The following ABCB11 variants were observed in gnomAD, a reference collection of about 807,000 sequenced individuals.
The protein encoded by ABCB11 is bile salt export pump.
In ABCB11, 95 loss-of-function variants were observed where a neutral mutation model predicts 148.0. The ratio of observed to expected loss-of-function variants is 0.64; its 90% CI spans 0.54 to 0.76. The LOEUF is 0.76. ABCB11 is among the 30% of genes least tolerant of loss of function. The pLI is 0.00. For missense variants in ABCB11, 1,523 were observed against 1,617.8 expected, an observed-to-expected ratio of 0.94 and a Z score of 1.01; for synonymous variants, 591 against 555.4, an observed-to-expected ratio of 1.06 and a Z score of -0.90.
chr2:168,973,075 T>G (rs571660059), intron 13 of ABCB11, among the ~76,000 whole-genome samples: 12 of 152,192 alleles, frequency 7.9e-5, no homozygotes, highest in Admixed American at 6.6e-4. Context: ...TTTCAAGCCC[T>G]GTTATTATTC....
intron 8 of ABCB11, among the ~76,000 whole-genome samples, chr2:168,991,957 C>G (rs960957975): frequency 6.6e-6 from 1 of 151,064 alleles, no homozygotes; most frequent in Non-Finnish European, 1.5e-5. Flanking sequence ...CTGGCCTCAG[C>G]CTCCTGGGTA....
chr2:168,945,486 G>A (rs1692265128), intron 19 of ABCB11, among the ~76,000 whole-genome samples: 1 of 151,598 alleles, frequency 6.6e-6, no homozygotes, highest in African/African-American at 2.4e-5. Flanking sequence ...CATCAACACA[G>A]ATGAAAAGGA....
intron 5 of ABCB11, among the ~76,000 whole-genome samples, chr2:169,007,879 T>C (rs1695070728): frequency 6.6e-6 from 1 of 152,188 alleles, no homozygotes; most frequent in East Asian, 1.9e-4. Flanking sequence ...GCAAATTGTA[T>C]CTCTGATAAG....
At chr2:168,947,287 A>G (rs1190307520) in intron 19 of ABCB11, among the ~76,000 whole-genome samples, 3 of 151,738 alleles carry the variant, frequency 2.0e-5, no homozygotes, top group Admixed American at 2.0e-4. Context: ...TCACCTAAAT[A>G]TATACAGATA....
Position 168,969,360 on chromosome 2 carries a change from C to T in ABCB11, c.2001G>A (p.Glu667=). The T allele has an allele frequency of 1.2e-6, 2 of 1,611,616 alleles. No individual in the cohort carries two copies. Among genetic ancestry groups the T allele is most frequent in the Non-Finnish European group, 1.7e-6 (2 of 1,178,754 alleles). The change falls in exon 16 of 28, where the codon GAG becomes GAA. Residue 667 remains glutamate (E), a synonymous_variant. Transcript: ENST00000650372. ...GGAAAAAGCACTTGCCCTTTATGTC[C>T]TCTTCATTAAGAGCTTGATTTCCCT... ...QSQGNQALNE[E]DIKDATEDDM... is the part of the protein sequence containing the mutation.
chr2:168,977,214 T>G (rs902463823), intron 11 of ABCB11, among the ~76,000 whole-genome samples: 1 of 151,190 alleles, frequency 6.6e-6, no homozygotes, highest in African/African-American at 2.4e-5. Flanking sequence ...GTACTAGGTG[T>G]TTTTATACTT....
intron 15 of ABCB11, 90 bp downstream of exon 15, chr2:168,969,955 A>AACCCCCC: frequency 1.8e-6 from 1 of 545,918 alleles, no homozygotes; most frequent in Non-Finnish European, 3.6e-6. Context: ...AACTACTCCC[A>AACCCCCC]TCCCTCCCAC....
intron 6 of ABCB11, among the ~76,000 whole-genome samples, chr2:168,996,199 C>T (rs937665686): frequency 1.3e-5 from 2 of 151,918 alleles, no homozygotes; most frequent in African/African-American, 4.8e-5. Flanking sequence ...CTAAAATATG[C>T]TCTAGATTCA....
Position 168,924,734 on chromosome 2 carries a change from C to A in ABCB11, c.3688G>T (p.Ala1230Ser), listed in dbSNP as rs755010435. 1 of 1,613,694 alleles carries A rather than the reference C, an allele frequency of 6.2e-7. No individual in the cohort carries two copies. The highest frequency in any genetic ancestry group is 2.2e-5 in the East Asian group (1 of 44,868). Residue 1230 changes from alanine (A) to serine (S), a missense_variant, in exon 27 of 28, where the codon GCT (alanine) becomes TCT (serine). Transcript: ENST00000650372. ...SRGEKQRIAI[A>S]RAIVRDPKIL... Reference sequence around the variant, plus strand: ...TTAGGATCTCGTACAATGGCCCGAGCAATAGCAATGCGTTGTTTCTCCCCT... The same window carrying A: ...TTAGGATCTCGTACAATGGCCCGAGAAATAGCAATGCGTTGTTTCTCCCCT...
chr2:168,921,213 T>A lies in ABCB11; in HGVS notation c.*2409A>T, dbSNP rs963809931. ...TCCTGACTTGGCAACCATCAAGAATTCTGGCCTGACCAGTTAACTTGCTAA... is the reference window on the plus strand; with the variant it reads ...TCCTGACTTGGCAACCATCAAGAATACTGGCCTGACCAGTTAACTTGCTAA... On this transcript the variant is annotated 3_prime_UTR_variant, in exon 28 of 28. Coordinates refer to ENST00000650372, the MANE Select transcript of ABCB11 (RefSeq NM_003742.4). 2.0e-5 allele frequency among the ~76,000 whole-genome samples: 3 copies of A among 152,252 alleles called. No homozygotes were observed. Among genetic ancestry groups the A allele is most frequent in the African/African-American group, 7.2e-5 (3 of 41,470 alleles).
At chr2:168,986,947 A>T (rs1347468873) in intron 9 of ABCB11, among the ~76,000 whole-genome samples, 2 of 152,190 alleles carry the variant, frequency 1.3e-5, no homozygotes, top group African/African-American at 4.8e-5. Context: ...AATTGAATTC[A>T]TGGAGAACTT....
At chr2:168,968,166 A>G (rs1156292661) in intron 17 of ABCB11, among the ~76,000 whole-genome samples, 2 of 151,894 alleles carry the variant, frequency 1.3e-5, no homozygotes, top group Non-Finnish European at 2.9e-5. Flanking sequence ...TAAGCTCAAT[A>G]CACAACAATT....
At chr2:168,982,687 G>C (rs1272720306) in intron 10 of ABCB11, among the ~76,000 whole-genome samples, 2 of 152,110 alleles carry the variant, frequency 1.3e-5, no homozygotes, top group African/African-American at 4.8e-5. Context: ...CCGTTAATTA[G>C]TTTTGTGGAT....
At chr2:169,025,999 A>G (rs765676696) in intron 1 of ABCB11, among the ~76,000 whole-genome samples, 8 of 152,226 alleles carry the variant, frequency 5.3e-5, no homozygotes, top group Non-Finnish European at 1.2e-4. Flanking sequence ...AGCTGGGACT[A>G]TGTTATGACT....
At chr2:169,025,704 G>A (rs1229462041) in intron 1 of ABCB11, among the ~76,000 whole-genome samples, 1 of 152,110 alleles carries the variant, frequency 6.6e-6, no homozygotes, top group African/African-American at 2.4e-5. Context: ...CTATTTTACT[G>A]TTAAAAGTTA....
At chr2:169,013,713 C>T (rs1364467339) in intron 4 of ABCB11, among the ~76,000 whole-genome samples, 3 of 152,122 alleles carry the variant, frequency 2.0e-5, no homozygotes, top group Non-Finnish European at 4.4e-5. Flanking sequence ...ACATTAGACT[C>T]TTACATTGTT....
intron 8 of ABCB11, among the ~76,000 whole-genome samples, chr2:168,991,147 T>C (rs373892502): frequency 1.3e-5 from 2 of 152,072 alleles, no homozygotes; most frequent in African/African-American, 2.4e-5. Flanking sequence ...CTACTAAAAG[T>C]AAGAACCTCC....
At chr2:168,942,998 G>A (rs1692136257) in intron 21 of ABCB11, among the ~76,000 whole-genome samples, 1 of 151,824 alleles carries the variant, frequency 6.6e-6, no homozygotes, top group Non-Finnish European at 1.5e-5. Context: ...CTAATCTTAA[G>A]ATAAGTTTGA....
At chr2:168,997,514 T>G (rs1370727771) in intron 5 of ABCB11, among the ~76,000 whole-genome samples, 1 of 152,036 alleles carries the variant, frequency 6.6e-6, no homozygotes, top group Admixed American at 6.6e-5. Context: ...AATTCTGAAA[T>G]TGCTTTTATG....
Sources: gnomAD v4.1 joint callset for allele counts (sites outside exome capture counted in the v4.1 genomes callset) on GRCh38, gnomAD v4.1.1 for gene constraint, MANE v1.5 for transcripts, NCBI Gene and HGNC (gene_info 2026-07-23, HGNC 2026-07-21) for gene names.